PCDH9: variants seen among roughly 807,000 people sequenced by gnomAD.
The protein encoded by PCDH9 is protocadherin-9.
PCDH9 carries 24 observed loss-of-function variants against 70.6 expected under a neutral mutation model. The ratio of observed to expected loss-of-function variants is 0.34; its 90% CI spans 0.25 to 0.48. The LOEUF is 0.48. Ranked by LOEUF, PCDH9 falls within the 20% of genes least tolerant of loss-of-function variation. The pLI is 0.99. For synonymous variants in PCDH9, 562 were observed against 558.5 expected (o/e 1.01, Z -0.09); for missense variants, 1,281 against 1,503.6 (o/e 0.85, Z 2.45).
chr13:66,373,010 T>A (rs1436498768), intron 4 of PCDH9, among the ~76,000 whole-genome samples: 1 of 151,928 alleles, frequency 6.6e-6, no homozygotes, highest in Non-Finnish European at 1.5e-5. Context: ...AAAAGCAGAA[T>A]CTCATGGACA....
chr13:67,160,702 A>T (rs2087934285), intron 2 of PCDH9, among the ~76,000 whole-genome samples: 1 of 152,186 alleles, frequency 6.6e-6, no homozygotes, highest in Non-Finnish European at 1.5e-5. Flanking sequence ...TGAATCAGCT[A>T]CTACAGTATC....
chr13:66,726,127 AAGAG>A, intron 3 of PCDH9, among the ~76,000 whole-genome samples: 1 of 151,892 alleles, frequency 6.6e-6, no homozygotes, highest in South Asian at 2.1e-4. Flanking sequence ...TGTTAAAAGG[AAGAG>A]AGAGAGAGAA....
intron 2 of PCDH9, among the ~76,000 whole-genome samples, chr13:66,996,995 T>G (rs1388625745): frequency 6.6e-6 from 1 of 152,118 alleles, no homozygotes; most frequent in African/African-American, 2.4e-5. Flanking sequence ...ACACTGGAAA[T>G]GTGGGAGGTG....
At chr13:66,575,288 T>C (rs531687246) in intron 4 of PCDH9, among the ~76,000 whole-genome samples, 85 of 152,272 alleles carry the variant, frequency 5.6e-4, no homozygotes, top group African/African-American at 2.0e-3. Flanking sequence ...GCATACATGT[T>C]AGTATTTCTC....
At chr13:67,016,101 T>C (rs932346740) in intron 2 of PCDH9, among the ~76,000 whole-genome samples, 1 of 152,158 alleles carries the variant, frequency 6.6e-6, no homozygotes, top group Non-Finnish European at 1.5e-5. Flanking sequence ...AGTGTACCTT[T>C]AGGTTTATTA....
chr13:66,368,246 A>G (rs1480278575), intron 4 of PCDH9, among the ~76,000 whole-genome samples: 1 of 152,082 alleles, frequency 6.6e-6, no homozygotes, highest in Non-Finnish European at 1.5e-5. Context: ...TAATGTAAAA[A>G]TTAATTTGAA....
At chr13:66,357,326 A>C (rs1195945351) in intron 4 of PCDH9, among the ~76,000 whole-genome samples, 4 of 152,014 alleles carry the variant, frequency 2.6e-5, no homozygotes, top group African/African-American at 7.3e-5. Flanking sequence ...AAATCAGTAC[A>C]TGGTTGAAAT....
At chr13:66,496,013 A>G (rs1959111100) in intron 4 of PCDH9, among the ~76,000 whole-genome samples, 1 of 152,196 alleles carries the variant, frequency 6.6e-6, no homozygotes, top group African/African-American at 2.4e-5. Flanking sequence ...AAGATTGTAC[A>G]AAGCCCATAG....
rs554011244 is a variant in PCDH9, at chr13:66,892,120, A to G, written c.3138+11384T>C. On this transcript the variant is annotated intron_variant, in intron 3 of 4. Coordinates refer to ENST00000377865, the MANE Select transcript of PCDH9 (RefSeq NM_203487.3). The stretch of plus-strand genomic sequence containing the variant: ...GAATCTAACTAGCTAGTTTTTAATA[A>G]AAGTGGCCACTGTGAATCTACTTAC... 1.4e-3 allele frequency among the ~76,000 whole-genome samples: 207 copies of G among 151,158 alleles called. 3 individuals carry two copies. The highest frequency in any genetic ancestry group is 0.01 in the Admixed American group (153 of 15,114).
intron 3 of PCDH9, among the ~76,000 whole-genome samples, chr13:66,757,641 T>C (rs1431937379): frequency 6.6e-6 from 1 of 152,090 alleles, no homozygotes; most frequent in African/African-American, 2.4e-5. Context: ...GCCAAACATA[T>C]ATAAAACGTA....
intron 4 of PCDH9, among the ~76,000 whole-genome samples, chr13:66,592,428 A>T (rs994561736): frequency 4.0e-5 from 6 of 151,766 alleles, no homozygotes; most frequent in Non-Finnish European, 8.8e-5. Context: ...TTCAGAGTGC[A>T]GTACTACTGA....
At chr13:66,611,338 C>A (rs891149032) in intron 4 of PCDH9, among the ~76,000 whole-genome samples, 1 of 152,018 alleles carries the variant, frequency 6.6e-6, no homozygotes, top group African/African-American at 2.4e-5. Context: ...AAGTTTCTGG[C>A]TAATTAGAAG....
chr13:66,804,506 C>G (rs907557400), intron 3 of PCDH9, among the ~76,000 whole-genome samples: 3 of 152,086 alleles, frequency 2.0e-5, no homozygotes, highest in African/African-American at 7.2e-5. Context: ...CATAGTTTCA[C>G]AAGCACTGTA....
intron 4 of PCDH9, among the ~76,000 whole-genome samples, chr13:66,583,996 T>G (rs2076930186): frequency 6.6e-6 from 1 of 152,190 alleles, no homozygotes; most frequent in Non-Finnish European, 1.5e-5. Flanking sequence ...TTTTCTCTCA[T>G]GTAAAAAGCC....
chr13:66,674,336 A>T (rs1428300516), intron 3 of PCDH9, among the ~76,000 whole-genome samples: 2 of 151,938 alleles, frequency 1.3e-5, no homozygotes, highest in Non-Finnish European at 2.9e-5. Context: ...TTCTGTTTTG[A>T]CTCTTCATAG....
At chr13:66,449,109 A>G (rs1391807808) in intron 4 of PCDH9, among the ~76,000 whole-genome samples, 1 of 152,146 alleles carries the variant, frequency 6.6e-6, no homozygotes, top group Non-Finnish European at 1.5e-5. Flanking sequence ...AGCTTATATA[A>G]TCTTCCATAA....
intron 2 of PCDH9, chr13:67,214,568 A>T (rs2089546390): frequency 6.6e-6 from 1 of 152,156 alleles, no homozygotes. Flanking sequence ...TTAAAACATG[A>T]CATGCAAATG....
chr13:66,453,866 A>T (rs1958264245), intron 4 of PCDH9, among the ~76,000 whole-genome samples: 1 of 152,218 alleles, frequency 6.6e-6, no homozygotes, highest in African/African-American at 2.4e-5. Flanking sequence ...TGAACAAAAT[A>T]AATATTTTTA....
chr13:66,427,642 G>GA (rs1957694374), intron 4 of PCDH9, among the ~76,000 whole-genome samples: 1 of 151,704 alleles, frequency 6.6e-6, no homozygotes, highest in Non-Finnish European at 1.5e-5. Flanking sequence ...TTTCAGAACA[G>GA]AAAATATAAA....
Sources: allele counts gnomAD v4.1 joint callset (sites outside exome capture counted in the v4.1 genomes callset), GRCh38; gene constraint gnomAD v4.1.1; transcripts MANE v1.5; gene names NCBI Gene and HGNC (gene_info 2026-07-23, HGNC 2026-07-21).